The following ALK variants were observed in gnomAD, a reference collection of about 807,000 sequenced individuals.
ALK encodes the protein ALK receptor tyrosine kinase, also known as ALK tyrosine kinase receptor.
In ALK, 74 loss-of-function variants were observed where a neutral mutation model predicts 163.1. The ratio of observed to expected loss-of-function variants is 0.45; its 90% CI spans 0.38 to 0.55. The LOEUF (loss-of-function observed/expected upper bound fraction) is 0.55, where lower values mean the gene tolerates loss of function less well. Among genes scored for constraint, ALK ranks in the 20% least tolerant of loss-of-function variants. The probability of loss-of-function intolerance (pLI) is 0.00; values close to 1 mark genes in which losing one functional copy is unlikely to be tolerated. For missense variants in ALK, 2,063 were observed against 2,105.3 expected (o/e 0.98, Z 0.39); for synonymous variants, 960 against 843.2 (o/e 1.14, Z -2.40).
intron 4 of ALK, among the ~76,000 whole-genome samples, chr2:29,486,643 T>C (rs1457806137): frequency 6.6e-6 from 1 of 152,194 alleles, no homozygotes; most frequent in African/African-American, 2.4e-5. Context: ...TGGAAAAATA[T>C]TCACTGATAA....
In ALK at chr2:29,239,793, TC is replaced by T; in HGVS notation, c.2241del (p.Lys748ArgfsTer4). 1 of 1,613,496 alleles carries T rather than the reference TC, an allele frequency of 6.2e-7. No homozygotes were observed. The highest frequency in any genetic ancestry group is 8.5e-7 in the Non-Finnish European group (1 of 1,179,756). On this transcript the variant is annotated frameshift_variant, in exon 13 of 29. Coordinates refer to ENST00000389048, the MANE Select transcript of ALK (RefSeq NM_004304.5). LOFTEE classifies it high-confidence loss of function. ...CCGTGGGACCGCATCATGGTGTTCT[TC>T]CCGCCTTTCCCGCCAGCAGCTCCGT... ...SGYGAAGGKG[G>X]KNTMMRSHGV...
intron 1 of ALK, among the ~76,000 whole-genome samples, chr2:29,878,421 GAT>G (rs1276759630): frequency 6.6e-6 from 1 of 152,194 alleles, no homozygotes; most frequent in Non-Finnish European, 1.5e-5. Flanking sequence ...GTATTTTATA[GAT>G]TGAGAAACTG....
chr2:29,703,102 A>G (rs1164897147), intron 2 of ALK, among the ~76,000 whole-genome samples: 1 of 152,256 alleles, frequency 6.6e-6, no homozygotes, highest in African/African-American at 2.4e-5. Flanking sequence ...TACTTGGTCA[A>G]TGGGATCTGC....
At chr2:29,728,206 G>C (rs897776654) in intron 1 of ALK, among the ~76,000 whole-genome samples, 2 of 152,218 alleles carry the variant, frequency 1.3e-5, no homozygotes, top group Non-Finnish European at 1.5e-5. Flanking sequence ...GGGCTTTATA[G>C]TCATTGCCCC....
intron 13 of ALK, 63 bp from the exon 14 acceptor site, chr2:29,233,759 CAG>C: frequency 1.9e-6 from 3 of 1,609,034 alleles, no homozygotes; most frequent in Non-Finnish European, 1.7e-6. Context: ...TTGCAGCAGA[CAG>C]AACTTCTATG....
intron 3 of ALK, among the ~76,000 whole-genome samples, chr2:29,635,279 G>T (rs2339552): frequency 1.3e-5 from 2 of 151,986 alleles, no homozygotes; most frequent in Non-Finnish European, 2.9e-5. Flanking sequence ...ACTAAATATT[G>T]CCTTATAAGG....
chr2:29,580,015 T>C (rs1232851995), intron 3 of ALK, among the ~76,000 whole-genome samples: 1 of 152,114 alleles, frequency 6.6e-6, no homozygotes, highest in African/African-American at 2.4e-5. Context: ...TCACCCCAGT[T>C]TCAACCACTG....
chr2:29,309,937 C>G (rs146850436), intron 8 of ALK, among the ~76,000 whole-genome samples: 1 of 152,106 alleles, frequency 6.6e-6, no homozygotes, highest in Non-Finnish European at 1.5e-5. Flanking sequence ...GCCTGAGTAA[C>G]GTAAGATGAG....
chr2:29,682,943 T>A (rs1678120313), intron 3 of ALK, among the ~76,000 whole-genome samples: 1 of 152,196 alleles, frequency 6.6e-6, no homozygotes, highest in South Asian at 2.1e-4. Flanking sequence ...TGCCACACTA[T>A]GCATGCTATC....
chr2:29,584,468 G>T (rs565141272), intron 3 of ALK, among the ~76,000 whole-genome samples: 2 of 152,160 alleles, frequency 1.3e-5, no homozygotes, highest in Non-Finnish European at 2.9e-5. Context: ...TCTCAGACAG[G>T]CACACAGAGT....
chr2:29,519,711 G>T (rs1490326048), intron 4 of ALK, among the ~76,000 whole-genome samples: 1 of 152,176 alleles, frequency 6.6e-6, no homozygotes, highest in Non-Finnish European at 1.5e-5. Flanking sequence ...TGAGCCAATG[G>T]TCACTAGGAA....
At chr2:29,770,724 A>G (rs1189021002) in intron 1 of ALK, among the ~76,000 whole-genome samples, 2 of 152,208 alleles carry the variant, frequency 1.3e-5, no homozygotes, top group Non-Finnish European at 2.9e-5. Context: ...GGAAAAGTCA[A>G]CAGAGGGTTA....
At chr2:29,837,389 T>C (rs1469362079) in intron 1 of ALK, among the ~76,000 whole-genome samples, 1 of 152,182 alleles carries the variant, frequency 6.6e-6, no homozygotes, top group African/African-American at 2.4e-5. Context: ...TCTACATATG[T>C]GCATAGGTAT....
chr2:29,824,423 C>A (rs1409484581), intron 1 of ALK, among the ~76,000 whole-genome samples: 1 of 152,206 alleles, frequency 6.6e-6, no homozygotes, highest in African/African-American at 2.4e-5. Context: ...ACAGCTTGCA[C>A]CATGAGCCTG....
intron 4 of ALK, among the ~76,000 whole-genome samples, chr2:29,467,523 T>G (rs1344363639): frequency 1.3e-5 from 2 of 152,160 alleles, no homozygotes; most frequent in Non-Finnish European, 2.9e-5. Context: ...CTATTAATTC[T>G]GGTTTTAAAA....
At chr2:29,909,979 CAAA>C (rs563460919) in intron 1 of ALK, among the ~76,000 whole-genome samples, 5 of 81,718 alleles carry the variant, frequency 6.1e-5, no homozygotes, top group Non-Finnish European at 2.8e-5. Context: ...TGCACCACAC[CAAA>C]AAAAAAAAAA....
intron 12 of ALK, among the ~76,000 whole-genome samples, chr2:29,245,981 A>G (rs1248520370): frequency 6.6e-6 from 1 of 152,202 alleles, no homozygotes; most frequent in East Asian, 1.9e-4. Context: ...ACCATCAGGA[A>G]CAGCTGTGGC....
At chr2:29,322,969 C>T (rs1667117383) in intron 6 of ALK, among the ~76,000 whole-genome samples, 1 of 152,160 alleles carries the variant, frequency 6.6e-6, no homozygotes, top group Admixed American at 6.5e-5. Flanking sequence ...TCCCTCCTTA[C>T]CCTTTTAGGA....
intron 3 of ALK, among the ~76,000 whole-genome samples, chr2:29,652,768 A>G (rs577455987): frequency 5.3e-5 from 8 of 152,266 alleles, no homozygotes; most frequent in African/African-American, 1.9e-4. Flanking sequence ...GCTTGTGGGT[A>G]GCTGAACATC....
Sources: gnomAD v4.1 joint callset for allele counts (sites outside exome capture counted in the v4.1 genomes callset) on GRCh38, gnomAD v4.1.1 for gene constraint, MANE v1.5 for transcripts, NCBI Gene and HGNC (gene_info 2026-07-23, HGNC 2026-07-21) for gene names.